GYS2: variants seen among roughly 807,000 people sequenced by gnomAD.
GYS2 encodes glycogen synthase 2.
A neutral mutation model predicts 85.6 loss-of-function variants in GYS2; 80 were observed. The ratio of observed to expected loss-of-function variants is 0.93; its 90% CI spans 0.78 to 1.13. The LOEUF is 1.13. GYS2 is among the 50% of genes most tolerant of loss of function. The pLI is 0.00. For synonymous variants in GYS2, 328 were observed against 300.7 expected, an observed-to-expected ratio of 1.09 and a Z score of -0.94; for missense variants, 881 against 854.9, an observed-to-expected ratio of 1.03 and a Z score of -0.38.
chr12:21,598,969 C>T (rs767676596), intron 1 of GYS2, among the ~76,000 whole-genome samples: 6 of 151,974 alleles, frequency 3.9e-5, no homozygotes, highest in East Asian at 1.9e-4. Context: ...AACTCTAAGT[C>T]GTCATCTGGC....
chr12:21,582,141 C>T (rs1046075720), intron 1 of GYS2, among the ~76,000 whole-genome samples: 2 of 151,996 alleles, frequency 1.3e-5, no homozygotes, highest in Non-Finnish European at 2.9e-5. Context: ...AGGAACTCAA[C>T]AACAAAAAAA....
At chr12:21,583,156 CAAG>C (rs897705542) in intron 1 of GYS2, among the ~76,000 whole-genome samples, 9 of 152,146 alleles carry the variant, frequency 5.9e-5, no homozygotes, top group Admixed American at 5.2e-4. Flanking sequence ...AACTAGTGAG[CAAG>C]AAGTAGCAAA....
At chr12:21,584,605 G>A (rs1213252597) in intron 1 of GYS2, among the ~76,000 whole-genome samples, 2 of 152,168 alleles carry the variant, frequency 1.3e-5, no homozygotes, top group African/African-American at 4.8e-5. Context: ...GCCAGCATCA[G>A]AGACCAACAC....
At chr12:21,542,697 A>G (rs1359373962) in intron 12 of GYS2, 106 bp from the exon 13 acceptor site, 7 of 736,658 alleles carry the variant, frequency 9.5e-6, no homozygotes, top group South Asian at 2.9e-5. Flanking sequence ...AGCAATGTTC[A>G]CTATGTGTCA....
rs753739065 is a variant in GYS2 at position 21,576,023 on chromosome 12, G to GGACT, written c.334_337dup (p.Pro113GlnfsTer8). 6.2e-7 allele frequency: 1 copy of GGACT among 1,613,490 alleles called. No individual in the cohort carries two copies. Among genetic ancestry groups the GGACT allele is most frequent in the South Asian group, 1.1e-5 (1 of 91,058 alleles). ...GCCTATGTCAAAAAGTACCACATAAGGACTTCCTTCTATCAGCCATCTTCC... is the reference window on the plus strand; with the variant it reads ...GCCTATGTCAAAAAGTACCACATAAGGACTGACTTCCTTCTATCAGCCATCTTCC... On this transcript the variant is annotated frameshift_variant, in exon 3 of 16. Coordinates refer to ENST00000261195, the MANE Select transcript of GYS2 (RefSeq NM_021957.4). LOFTEE classifies it high-confidence loss of function.
At chr12:21,583,672 T>C (rs559041262) in intron 1 of GYS2, among the ~76,000 whole-genome samples, 32 of 152,338 alleles carry the variant, frequency 2.1e-4, no homozygotes, top group Non-Finnish European at 4.7e-4. Flanking sequence ...AACTACTCTC[T>C]TTTAGGGAGA....
chr12:21,559,425 C>G (rs900439377), intron 9 of GYS2, among the ~76,000 whole-genome samples: 3 of 152,122 alleles, frequency 2.0e-5, no homozygotes, highest in African/African-American at 7.2e-5. Flanking sequence ...ATGAGTTCAT[C>G]ATTGAATTAG....
chr12:21,595,765 A>C (rs945009430), intron 1 of GYS2, among the ~76,000 whole-genome samples: 2 of 152,176 alleles, frequency 1.3e-5, no homozygotes, highest in African/African-American at 4.8e-5. Context: ...ACATATATGC[A>C]CCTAACACTG....
At chr12:21,572,448 T>A (rs1944397513) in intron 4 of GYS2, among the ~76,000 whole-genome samples, 1 of 152,242 alleles carries the variant, frequency 6.6e-6, no homozygotes, top group African/African-American at 2.4e-5. Context: ...TTCATGTATA[T>A]AATTTGGTAT....
At chr12:21,600,140 A>G (rs552172195) in intron 1 of GYS2, among the ~76,000 whole-genome samples, 3 of 152,204 alleles carry the variant, frequency 2.0e-5, no homozygotes, top group African/African-American at 7.2e-5. Context: ...GTTTGTTTGA[A>G]ACAGGGTCTC....
chr12:21,596,773 T>C (rs994426185), intron 1 of GYS2, among the ~76,000 whole-genome samples: 1 of 152,064 alleles, frequency 6.6e-6, no homozygotes, highest in Non-Finnish European at 1.5e-5. Context: ...AACAAAGAAA[T>C]AAAGGGCATT....
intron 2 of GYS2, among the ~76,000 whole-genome samples, chr12:21,577,870 A>C (rs1394092544): frequency 1.3e-5 from 2 of 152,210 alleles, no homozygotes; most frequent in Non-Finnish European, 2.9e-5. Context: ...AATGTTTGCT[A>C]TCCAAAAATA....
rs1565605339 is a variant in GYS2 at position 21,574,559 on chromosome 12, A to G, written c.496-233T>C. Among the ~76,000 whole-genome samples the G allele has an allele frequency of 2.0e-5, 3 of 152,280 alleles. No homozygotes were observed. The East Asian group carries it at 5.8e-4, about 29-fold the overall frequency. ...CTTTCAGTGATGGAGCAGATTTTTT[A>G]TATCCACAGAAGAATAAATACTAAT... On this transcript the variant is annotated intron_variant, in intron 3 of 15. Transcript: ENST00000261195.
At chr12:21,572,630 G>C (rs1944399519) in intron 4 of GYS2, among the ~76,000 whole-genome samples, 1 of 152,086 alleles carries the variant, frequency 6.6e-6, no homozygotes. Flanking sequence ...CTAAACTTAA[G>C]TATCTCAACC....
chr12:21,591,686 A>G (rs1944640886), intron 1 of GYS2, among the ~76,000 whole-genome samples: 1 of 152,184 alleles, frequency 6.6e-6, no homozygotes. Flanking sequence ...TCCACAGCAC[A>G]TTATAGTCAA....
intron 11 of GYS2, among the ~76,000 whole-genome samples, chr12:21,552,200 G>T (rs1219378163): frequency 6.6e-6 from 1 of 152,138 alleles, no homozygotes; most frequent in East Asian, 1.9e-4. Flanking sequence ...AGAGACAAAG[G>T]CTTGTCTGAC....
intron 11 of GYS2, among the ~76,000 whole-genome samples, chr12:21,556,386 G>T (rs1305307351): frequency 2.6e-5 from 4 of 152,100 alleles, no homozygotes; most frequent in African/African-American, 7.2e-5. Context: ...GCCCAGGCTG[G>T]TCTTGAACTC....
At chr12:21,589,126 A>C (rs1224402145) in intron 1 of GYS2, among the ~76,000 whole-genome samples, 3 of 152,202 alleles carry the variant, frequency 2.0e-5, no homozygotes, top group Non-Finnish European at 4.4e-5. Flanking sequence ...TTTATTTGCA[A>C]CTATGCATCT....
intron 1 of GYS2, among the ~76,000 whole-genome samples, chr12:21,583,915 T>C (rs749285080): frequency 2.0e-4 from 31 of 152,316 alleles, no homozygotes; most frequent in Middle Eastern, 3.4e-3. Context: ...GGGGCTCAAA[T>C]GCCCATGGTC....
Sources: gnomAD v4.1 joint callset for allele counts (sites outside exome capture counted in the v4.1 genomes callset) on GRCh38, gnomAD v4.1.1 for gene constraint, MANE v1.5 for transcripts, NCBI Gene and HGNC (gene_info 2026-07-23, HGNC 2026-07-21) for gene names.